Variants in MRPS23 observed in about 807,000 individuals in gnomAD.
The protein encoded by MRPS23 is mitochondrial ribosomal protein S23, also known as small ribosomal subunit protein mS23.
In MRPS23, 14 loss-of-function variants were observed where a neutral mutation model predicts 19.8. The ratio of observed to expected loss-of-function variants is 0.71; its 90% confidence interval spans 0.47 to 1.11. The LOEUF is 1.11. MRPS23 is among the 50% of genes least tolerant of loss of function. MRPS23 has a pLI of 0.00. For missense variants in MRPS23, 242 were observed against 236.7 expected, an observed-to-expected ratio of 1.02 and a Z score of -0.15; for synonymous variants, 113 against 89.7, an observed-to-expected ratio of 1.26 and a Z score of -1.47.
At chr17:57,848,503 T>C (rs1568017492) in intron 2 of MRPS23, among the ~76,000 whole-genome samples, 1 of 151,698 alleles carries the variant, frequency 6.6e-6, no homozygotes, top group Non-Finnish European at 1.5e-5. Context: ...GCCTTCCGAG[T>C]AGCTGGGACT....
chr17:57,843,671 C>T (rs573683280), intron 2 of MRPS23, among the ~76,000 whole-genome samples: 21 of 152,076 alleles, frequency 1.4e-4, no homozygotes, highest in Non-Finnish European at 2.1e-4. Context: ...TGTGAGGAAT[C>T]AGGAAGACAG....
At chr17:57,843,012 T>C (rs570975056) in intron 2 of MRPS23, among the ~76,000 whole-genome samples, 4 of 150,836 alleles carry the variant, frequency 2.7e-5, no homozygotes, top group African/African-American at 9.8e-5. Context: ...TGCTGGCTGA[T>C]GCCTGTAATC....
intron 2 of MRPS23, among the ~76,000 whole-genome samples, chr17:57,842,481 T>A (rs1018407701): frequency 6.6e-6 from 1 of 152,232 alleles, no homozygotes; most frequent in African/African-American, 2.4e-5. Flanking sequence ...GCCTTATCAG[T>A]GCCATGGAGA....
At chr17:57,846,078 T>C (rs1189303951) in intron 2 of MRPS23, among the ~76,000 whole-genome samples, 1 of 34,066 alleles carries the variant, frequency 2.9e-5, no homozygotes, top group Non-Finnish European at 5.9e-5. Flanking sequence ...AAGTGTGACA[T>C]CTTTGTTTTT....
Position 57,849,393 on chromosome 17 carries a change from C to T in MRPS23, c.62G>A (p.Arg21Gln). 2 of 1,613,974 alleles carry T rather than the reference C, an allele frequency of 1.2e-6. No individual in the cohort carries two copies. The highest frequency in any genetic ancestry group is 1.7e-6 in the Non-Finnish European group (2 of 1,180,000). The change falls in exon 2 of 5, where the codon CGG becomes CAG. Residue 21 changes from arginine to glutamine, a missense_variant. Transcript: ENST00000313608. ...GGGCTTCTCCTTCAGCACCCCGGCC[C>T]GAACCAGGTCCCGAGTCCTTAGGGA... The part of the protein sequence containing the change: ...SIFSRTRDLV[R>Q]AGVLKEKPLW...
At chr17:57,842,949 TG>T (rs1568015781) in intron 2 of MRPS23, among the ~76,000 whole-genome samples, 1 of 139,132 alleles carries the variant, frequency 7.2e-6, no homozygotes, top group Non-Finnish European at 1.5e-5. Context: ...GCAGGTGCAG[TG>T]GCTCACACCT....
At position 57,841,258 on chromosome 17, in the gene MRPS23, T is replaced by C. The variant is rs1320242135; in HGVS notation, c.218A>G (p.Lys73Arg). The C allele has an allele frequency of 4.3e-5, 70 of 1,612,946 alleles. No individual in the cohort carries two copies. Among genetic ancestry groups the C allele is most frequent in the Non-Finnish European group, 5.5e-5 (65 of 1,179,708 alleles). ...ACCAGACCCATACACTGAATAAAAC[T>C]TCCTAGAAAATGCAAACAACATAAT... ...IWYHEDRIRAKFYSVYGSGQR... is the reference protein window; with the variant it reads ...IWYHEDRIRARFYSVYGSGQR... Residue 73 changes from lysine (K) to arginine (R), a missense_variant and splice_region_variant, in exon 3 of 5, where the codon AAG becomes AGG. Lys to Arg is a conservative substitution (Grantham distance 26). Transcript: ENST00000313608.
At chr17:57,840,253 G>A (rs1015778192) in intron 4 of MRPS23, among the ~76,000 whole-genome samples, 3 of 152,146 alleles carry the variant, frequency 2.0e-5, no homozygotes, top group Non-Finnish European at 4.4e-5. Flanking sequence ...TGAGCATGGT[G>A]GCAGGCGCCT....
chr17:57,847,843 C>T lies in MRPS23; in HGVS notation c.215+1397G>A, dbSNP rs191594976. ...TCCAAAGTAGCTGGGACTACAGGTGCCCACCACCAAGCCCGGCTAATTTTT... is the reference window on the plus strand; with the variant it reads ...TCCAAAGTAGCTGGGACTACAGGTGTCCACCACCAAGCCCGGCTAATTTTT... On this transcript the variant is annotated intron_variant, in intron 2 of 4. Coordinates refer to ENST00000313608, the MANE Select transcript of MRPS23 (RefSeq NM_016070.4). Among the ~76,000 whole-genome samples the T allele has an allele frequency of 4.8e-3, 731 of 151,682 alleles. 11 individuals are homozygous for T. Among genetic ancestry groups the T allele is most frequent in the Non-Finnish European group, 3.0e-3 (201 of 67,900 alleles).
Position 57,836,974 on chromosome 17 carries a change from C to G in MRPS23, c.*2809G>C, listed in dbSNP as rs776821319. The G allele has an allele frequency of 6.6e-6, 1 of 152,228 alleles. No homozygotes were observed. Among genetic ancestry groups the G allele is most frequent in the Non-Finnish European group, 1.5e-5 (1 of 68,058 alleles). 9.4% of individuals were successfully genotyped at this position (152,228 alleles called of 1,614,324 possible). A position where few individuals can be genotyped will look rare whatever the true frequency, so the allele number is the denominator to read the frequency against. On this transcript the variant is annotated 3_prime_UTR_variant, in exon 5 of 5. Transcript: ENST00000313608. ...GATTACAGGCGTGAGCCATGGAGCC[C>G]GGCCTGATTTTAAGCTCTTTAAAGC...
Position 57,849,997 on chromosome 17 carries a change from C to T in MRPS23, c.14G>A (p.Arg5Gln). The T allele has an allele frequency of 3.8e-6, 6 of 1,591,188 alleles. No homozygotes were observed. Among genetic ancestry groups the T allele is most frequent in the Non-Finnish European group, 5.1e-6 (6 of 1,174,280 alleles). Residue 5 changes from arginine to glutamine, a missense_variant, in exon 1 of 5, where the codon CGG becomes CAG. Coordinates refer to ENST00000313608, the MANE Select transcript of MRPS23 (RefSeq NM_016070.4). ...GAAGATGCTCCCTACGGTTTCCAGC[C>T]GGCTGCCTGCCATGATCTGCGCCTG... MAGS[R>Q]LETVGSIFSR...
Position 57,839,924 on chromosome 17 carries a change from A to G in MRPS23, c.432T>C (p.Gly144=), listed in dbSNP as rs773254523. ...RVGEARTQHG[G]SHVSRKSEHL... ...GTTCGGATTTCCGGGAAACGTGACT[A>G]CCTCCGTGTTGCTTAAAAGACCAGA... The change falls in exon 5 of 5, where the codon GGT becomes GGC. Residue 144 remains glycine, a synonymous_variant. Transcript: ENST00000313608. The G allele has an allele frequency of 3.1e-6, 5 of 1,614,030 alleles. No individual in the cohort carries two copies. The South Asian group carries it at 3.3e-5, about 11-fold the overall frequency.
Position 57,849,986 on chromosome 17 carries a change from C to G in MRPS23, c.25G>C (p.Val9Leu). ...ACACACCGAGAGAAGATGCTCCCTA[C>G]GGTTTCCAGCCGGCTGCCTGCCATG... MAGSRLETVGSIFSRTRDL... is the reference protein window; with the variant it reads MAGSRLETLGSIFSRTRDL... Residue 9 changes from valine (V) to leucine (L), a missense_variant, in exon 1 of 5, where the codon GTA becomes CTA. Transcript: ENST00000313608. 6.3e-7 allele frequency: 1 copy of G among 1,590,532 alleles called. No homozygotes were observed. The highest frequency in any genetic ancestry group is 8.5e-7 in the Non-Finnish European group (1 of 1,174,396).
At position 57,839,530 on chromosome 17, in the gene MRPS23, A is replaced by C. The variant is rs2144872342; in HGVS notation, c.*253T>G. The C allele has an allele frequency of 3.0e-6, 1 of 329,940 alleles. No individual in the cohort carries two copies. The highest frequency in any genetic ancestry group is 5.5e-6 in the Non-Finnish European group (1 of 180,900). 20.4% of individuals were successfully genotyped at this position (329,940 alleles called of 1,614,324 possible). ...ATAAAGGTTTCTTCATGTTATTTAC[A>C]ATTCAAAGTAAATTTACTTTATAAG... On this transcript the variant is annotated 3_prime_UTR_variant, in exon 5 of 5. Transcript: ENST00000313608.
chr17:57,843,094 G>A (rs2073751175), intron 2 of MRPS23, among the ~76,000 whole-genome samples: 1 of 151,834 alleles, frequency 6.6e-6, no homozygotes, highest in African/African-American at 2.4e-5. Context: ...GGGCAATATA[G>A]TGGGACACCA....
Position 57,836,674 on chromosome 17 carries a change from AT to A in MRPS23, c.*3108del, listed in dbSNP as rs34633434. 1.0e-3 allele frequency: 107 copies of A among 106,280 alleles called. No individual in the cohort carries two copies. The highest frequency in any genetic ancestry group is 1.1e-3 in the African/African-American group (38 of 34,064). The allele number at this position is 106,280 out of a possible 1,614,324, so 6.6% of individuals were successfully genotyped here. A position where few individuals can be genotyped will look rare whatever the true frequency, so the allele number is the denominator to read the frequency against. ...CTTGTAGTCCCAACTCGATTTTAAG[AT>A]TTTTTTTTTTTTTTTTTTGAGACAG... On this transcript the variant is annotated 3_prime_UTR_variant, in exon 5 of 5. Transcript: ENST00000313608.
In MRPS23 at chr17:57,839,801, T is replaced by C. The variant is rs1396316367; in HGVS notation, c.555A>G (p.Lys185=). The C allele has an allele frequency of 6.2e-7, 1 of 1,614,146 alleles. No individual in the cohort carries two copies. Among genetic ancestry groups the C allele is most frequent in the Non-Finnish European group, 8.5e-7 (1 of 1,180,004 alleles). Residue 185 remains lysine (K), a synonymous_variant, in exon 5 of 5, where the codon AAA becomes AAG. Transcript: ENST00000313608. The part of the protein sequence containing the change: ...QHLEAPADQS[K]GLLPP ...AGGTCCTTCAGGGAGGCAAGAGACC[T>C]TTCGACTGGTCTGCAGGTGCCTCCA...
At chr17:57,844,632 G>A (rs1037299438) in intron 2 of MRPS23, among the ~76,000 whole-genome samples, 13 of 149,606 alleles carry the variant, frequency 8.7e-5, no homozygotes, top group African/African-American at 3.2e-4. Context: ...TTAGCCCGCC[G>A]TGGTGACACA....
chr17:57,842,885 TATATATAC>T (rs2073748520), intron 2 of MRPS23, among the ~76,000 whole-genome samples: 6 of 109,330 alleles, frequency 5.5e-5, no homozygotes, highest in African/African-American at 2.2e-4. Context: ...AAAAAATATA[TATATATAC>T]ACACACACAC....
Sources: allele counts gnomAD v4.1 joint callset (sites outside exome capture counted in the v4.1 genomes callset), GRCh38; gene constraint gnomAD v4.1.1; transcripts MANE v1.5; gene names NCBI Gene and HGNC (gene_info 2026-07-23, HGNC 2026-07-21).